CADPS: variants seen among roughly 807,000 people sequenced by gnomAD.
CADPS encodes the protein calcium-dependent secretion activator 1.
A neutral mutation model predicts 167.3 loss-of-function variants in CADPS; 57 were observed. That is an observed-to-expected ratio of 0.34 (90% CI 0.28 to 0.42). The LOEUF (loss-of-function observed/expected upper bound fraction) is 0.42. Among genes scored for constraint, CADPS ranks in the 20% least tolerant of loss-of-function variants. The probability of loss-of-function intolerance (pLI) is 1.00; values close to 1 mark genes in which losing one functional copy is unlikely to be tolerated. For missense variants in CADPS, 1,414 were observed against 1,738.1 expected, an observed-to-expected ratio of 0.81 and a Z score of 3.32; for synonymous variants, 676 against 635.3, an observed-to-expected ratio of 1.06 and a Z score of -0.96.
intron 3 of CADPS, among the ~76,000 whole-genome samples, chr3:62,733,903 T>C (rs771502368): frequency 6.6e-6 from 1 of 152,190 alleles, no homozygotes; most frequent in Non-Finnish European, 1.5e-5. Context: ...CTTTGCATCC[T>C]CACAGCTTAA....
chr3:62,658,788 T>C (rs2072393790), intron 4 of CADPS, among the ~76,000 whole-genome samples: 1 of 152,130 alleles, frequency 6.6e-6, no homozygotes, highest in Non-Finnish European at 1.5e-5. Flanking sequence ...CCTTTTTCCA[T>C]TGTAGATTGG....
chr3:62,434,008 A>T (rs1560321623), intron 28 of CADPS, among the ~76,000 whole-genome samples: 1 of 152,140 alleles, frequency 6.6e-6, no homozygotes, highest in South Asian at 2.1e-4. Flanking sequence ...GAATATGGAG[A>T]TTATTTCATA....
Position 62,641,468 on chromosome 3 carries a change from A to G in CADPS, c.1325+4254T>C, listed in dbSNP as rs865792045. Among the ~76,000 whole-genome samples, 8 of 152,312 alleles carry G rather than the reference A, an allele frequency of 5.3e-5. No homozygotes were observed. In the Middle Eastern group the frequency reaches 0.01, roughly 194 times the overall value. ...AAATATATCACCTTAGAGCAAGAAC[A>G]GCCCTCTGCTCTATTTCAAAGAGAG... On this transcript the variant is annotated intron_variant, in intron 6 of 29. Coordinates refer to ENST00000383710, the MANE Select transcript of CADPS (RefSeq NM_003716.4).
At chr3:62,821,251 G>T (rs2094901356) in intron 1 of CADPS, among the ~76,000 whole-genome samples, 1 of 152,162 alleles carries the variant, frequency 6.6e-6, no homozygotes, top group South Asian at 2.1e-4. Flanking sequence ...TATACTCATA[G>T]TTCTGTAGGT....
chr3:62,462,804 T>C (rs1182176895), intron 26 of CADPS, among the ~76,000 whole-genome samples: 1 of 152,160 alleles, frequency 6.6e-6, no homozygotes, highest in Non-Finnish European at 1.5e-5. Context: ...ATTAACACAA[T>C]TGGGCCGAAG....
intron 6 of CADPS, among the ~76,000 whole-genome samples, chr3:62,621,777 TCCCC>T (rs1220980232): frequency 6.6e-6 from 1 of 151,996 alleles, no homozygotes; most frequent in Non-Finnish European, 1.5e-5. Context: ...TGTGCGTTAT[TCCCC>T]TCTATACCTC....
intron 9 of CADPS, among the ~76,000 whole-genome samples, chr3:62,559,309 T>A (rs1201383233): frequency 6.6e-6 from 1 of 152,180 alleles, no homozygotes; most frequent in Admixed American, 6.5e-5. Context: ...ACTAGTTGAA[T>A]CTGATTGGTT....
At chr3:62,756,265 C>T (rs909029795) in intron 2 of CADPS, among the ~76,000 whole-genome samples, 6 of 152,068 alleles carry the variant, frequency 3.9e-5, no homozygotes, top group African/African-American at 1.2e-4. Flanking sequence ...CGGGGTTTCT[C>T]CATGTAGGCC....
At chr3:62,611,337 G>C (rs2061477628) in intron 6 of CADPS, among the ~76,000 whole-genome samples, 1 of 152,136 alleles carries the variant, frequency 6.6e-6, no homozygotes, top group Non-Finnish European at 1.5e-5. Flanking sequence ...TCAAAATGTA[G>C]GTAGAATCTG....
In CADPS at chr3:62,858,804, A is replaced by T. The variant is rs548832997; in HGVS notation, c.441+15785T>A. Among the ~76,000 whole-genome samples, 4 of 152,268 alleles carry T rather than the reference A, an allele frequency of 2.6e-5. No individual in the cohort carries two copies. In the East Asian group the frequency reaches 5.8e-4, roughly 22 times the overall value. ...AATTCTCATCCAACGTAAATGTCTC[A>T]TATCACTATTTTCCTTAAAAATCTG... is the stretch of plus-strand genomic sequence containing the variant. On this transcript the variant is annotated intron_variant, in intron 1 of 29. Transcript: ENST00000383710.
At chr3:62,861,528 A>G (rs1441437246) in intron 1 of CADPS, among the ~76,000 whole-genome samples, 1 of 152,228 alleles carries the variant, frequency 6.6e-6, no homozygotes, top group African/African-American at 2.4e-5. Flanking sequence ...CCACAAAATT[A>G]TAAAACTGAT....
chr3:62,715,372 A>AT (rs201621833), intron 3 of CADPS, among the ~76,000 whole-genome samples: 65,628 of 146,786 alleles, frequency 0.45, 15,117 homozygotes, highest in East Asian at 0.58. Flanking sequence ...CTATCTATCT[A>AT]CCTATCTATC....
At chr3:62,481,665 A>C (rs558184027) in intron 22 of CADPS, 58 bp downstream of exon 22, 1 of 1,470,386 alleles carries the variant, frequency 6.8e-7, no homozygotes, top group Non-Finnish European at 9.2e-7. Flanking sequence ...TAAACAATAC[A>C]TATCCATGCC....
At chr3:62,587,467 C>G (rs2084889755) in intron 7 of CADPS, among the ~76,000 whole-genome samples, 1 of 152,170 alleles carries the variant, frequency 6.6e-6, no homozygotes, top group Admixed American at 6.5e-5. Context: ...ACCCTCCATC[C>G]TGAGCTGGTC....
chr3:62,724,256 C>A (rs770066679), intron 3 of CADPS, among the ~76,000 whole-genome samples: 5 of 152,114 alleles, frequency 3.3e-5, no homozygotes, highest in Non-Finnish European at 5.9e-5. Flanking sequence ...TGATTTTTTC[C>A]TCATCCACAT....
At chr3:62,488,469 ATTAT>A (rs760932725) in intron 21 of CADPS, among the ~76,000 whole-genome samples, 1,730 of 150,476 alleles carry the variant, frequency 0.011, 20 homozygotes, top group African/African-American at 0.031. Flanking sequence ...CACTGTTTTT[ATTAT>A]TTATTTATTT....
At chr3:62,722,924 C>T (rs1022803378) in intron 3 of CADPS, among the ~76,000 whole-genome samples, 1 of 152,140 alleles carries the variant, frequency 6.6e-6, no homozygotes, top group Non-Finnish European at 1.5e-5. Flanking sequence ...AACCCCCTTA[C>T]CCCCAGCTGA....
chr3:62,845,430 G>C (rs1384775849), intron 1 of CADPS, among the ~76,000 whole-genome samples: 1 of 152,044 alleles, frequency 6.6e-6, no homozygotes, highest in African/African-American at 2.4e-5. Context: ...TCTAAAAAGG[G>C]GATAATACAT....
At chr3:62,599,804 A>ATATATATTGTATAT (rs1562714694) in intron 6 of CADPS, among the ~76,000 whole-genome samples, 19 of 13,196 alleles carry the variant, frequency 1.4e-3, no homozygotes, top group African/African-American at 2.2e-3. Flanking sequence ...TATAATATAT[A>ATATATATTGTATAT]ATAAATAATA....
Sources: gnomAD v4.1 joint callset for allele counts (sites outside exome capture counted in the v4.1 genomes callset) on GRCh38, gnomAD v4.1.1 for gene constraint, MANE v1.5 for transcripts, NCBI Gene and HGNC (gene_info 2026-07-23, HGNC 2026-07-21) for gene names.